The following DOCK5 variants were observed in gnomAD, a reference collection of about 807,000 sequenced individuals.
DOCK5 encodes the protein dedicator of cytokinesis protein 5.
Under a neutral mutation model 251.8 loss-of-function variants are expected in DOCK5, and 142 were observed. The ratio of observed to expected loss-of-function variants is 0.56; its 90% CI spans 0.49 to 0.65. The LOEUF is 0.65. Ranked by LOEUF, DOCK5 falls within the 30% of genes least tolerant of loss-of-function variation. The pLI is 0.00. For synonymous variants in DOCK5, 842 were observed against 835.5 expected, an observed-to-expected ratio of 1.01 and a Z score of -0.13; for missense variants, 2,111 against 2,312.3, an observed-to-expected ratio of 0.91 and a Z score of 1.79.
intron 14 of DOCK5, among the ~76,000 whole-genome samples, chr8:25,319,186 A>G (rs1805353229): frequency 6.6e-6 from 1 of 152,182 alleles, no homozygotes; most frequent in Admixed American, 6.5e-5. Context: ...TGTAGACAGG[A>G]AAAGAGAAAT....
intron 1 of DOCK5, among the ~76,000 whole-genome samples, chr8:25,188,685 G>C (rs756928811): frequency 3.3e-5 from 5 of 152,196 alleles, no homozygotes; most frequent in Non-Finnish European, 7.3e-5. Flanking sequence ...AATGGTTTCT[G>C]TGTGTTATCA....
chr8:25,349,233 G>A (rs939981100), intron 26 of DOCK5, among the ~76,000 whole-genome samples: 3 of 152,124 alleles, frequency 2.0e-5, no homozygotes, highest in Admixed American at 6.5e-5. Flanking sequence ...TGGTGAAAGG[G>A]GAACATTGTT....
At position 25,364,622 on chromosome 8, in the gene DOCK5, G is replaced by T. The variant is rs200562601; in HGVS notation, c.3045-4G>T. 1.2e-5 allele frequency: 19 copies of T among 1,593,452 alleles called. No individual in the cohort carries two copies. Among genetic ancestry groups the T allele is most frequent in the African/African-American group, 9.4e-5 (7 of 74,730 alleles). ...CTTCTTTATCTGGTGTTTTCCTTCCGCAGGGTTTTTCTCCGTGCTATAAAT... is the reference window on the plus strand; with the variant it reads ...CTTCTTTATCTGGTGTTTTCCTTCCTCAGGGTTTTTCTCCGTGCTATAAAT... On this transcript the variant is annotated splice_region_variant and splice_polypyrimidine_tract_variant and intron_variant, in intron 29 of 51. Coordinates refer to ENST00000276440, the MANE Select transcript of DOCK5 (RefSeq NM_024940.8).
rs1411095900 is a variant in DOCK5, at chr8:25,184,835, C to T, written c.-74C>T. ...GAAGCGTCTGGGGCACGCAGGAGCG[C>T]GGGGCGGCGGCGGCCGGAGCCCGAG... On this transcript the variant is annotated 5_prime_UTR_variant, in exon 1 of 52. Transcript: ENST00000276440. 6 of 1,237,362 alleles carry T rather than the reference C, an allele frequency of 4.8e-6. No homozygotes were observed. The highest frequency in any genetic ancestry group is 4.2e-5 in the Admixed American group (1 of 23,542). 76.6% of individuals were successfully genotyped at this position (1,237,362 alleles called of 1,614,324 possible).
intron 18 of DOCK5, among the ~76,000 whole-genome samples, chr8:25,331,269 A>ACACACG (rs1467091276): frequency 6.6e-6 from 1 of 151,008 alleles, no homozygotes; most frequent in African/African-American, 2.4e-5. Context: ...ACACACACAC[A>ACACACG]CATATATGTG....
At chr8:25,335,823 T>G (rs1186143101) in intron 21 of DOCK5, among the ~76,000 whole-genome samples, 1 of 152,196 alleles carries the variant, frequency 6.6e-6, no homozygotes, top group Non-Finnish European at 1.5e-5. Flanking sequence ...TGGATCCCAA[T>G]GGGTTGAGGC....
intron 1 of DOCK5, among the ~76,000 whole-genome samples, chr8:25,233,436 C>T (rs1282127723): frequency 6.6e-6 from 1 of 152,180 alleles, no homozygotes; most frequent in African/African-American, 2.4e-5. Flanking sequence ...CACGTCATCC[C>T]AGAATCAGTT....
chr8:25,298,827 C>A, intron 7 of DOCK5, 117 bp from the exon 8 acceptor site: 1 of 1,129,494 alleles, frequency 8.9e-7, no homozygotes, highest in Non-Finnish European at 1.2e-6. Flanking sequence ...CAGGAATGAG[C>A]CACTGTGCCC....
chr8:25,223,852 A>G (rs989189694), intron 1 of DOCK5, among the ~76,000 whole-genome samples: 3 of 152,192 alleles, frequency 2.0e-5, no homozygotes, highest in Non-Finnish European at 4.4e-5. Context: ...TACTTTATGG[A>G]TGAAGCATTG....
chr8:25,357,544 A>G (rs1293131484), intron 27 of DOCK5, among the ~76,000 whole-genome samples: 4 of 151,576 alleles, frequency 2.6e-5, no homozygotes, highest in Non-Finnish European at 5.9e-5. Context: ...TGCCTGGCTA[A>G]TTTTTGTATT....
intron 5 of DOCK5, among the ~76,000 whole-genome samples, chr8:25,286,561 A>T (rs1417524579): frequency 6.6e-6 from 1 of 152,214 alleles, no homozygotes; most frequent in Non-Finnish European, 1.5e-5. Context: ...ATGGAAGAGG[A>T]AAGGTTGGTG....
intron 28 of DOCK5, among the ~76,000 whole-genome samples, chr8:25,361,962 A>C (rs1289569990): frequency 6.6e-6 from 1 of 152,212 alleles, no homozygotes; most frequent in Non-Finnish European, 1.5e-5. Flanking sequence ...AAAAGGTCTA[A>C]ATTTAGCTAA....
chr8:25,243,195 G>A (rs1261815120), intron 1 of DOCK5, among the ~76,000 whole-genome samples: 1 of 152,180 alleles, frequency 6.6e-6, no homozygotes, highest in Non-Finnish European at 1.5e-5. Context: ...AGTTCGTGAT[G>A]TGTAGCAGGC....
intron 18 of DOCK5, among the ~76,000 whole-genome samples, chr8:25,329,372 C>T (rs146887969): frequency 2.0e-5 from 3 of 152,108 alleles, no homozygotes; most frequent in Admixed American, 6.5e-5. Flanking sequence ...ACTTATTTTT[C>T]GGTGGTGAGA....
chr8:25,410,079 G>A lies in DOCK5; in HGVS notation c.5405-20G>A. On this transcript the variant is annotated intron_variant, in intron 50 of 51. Transcript: ENST00000276440. ...TGCTCAGTGCCTCTCTCTGCCGCCT[G>A]CACTTTCTGTCATTTCTAGGCTCCC... 2 of 1,602,540 alleles carry A rather than the reference G, an allele frequency of 1.2e-6. No individual in the cohort carries two copies. The highest frequency in any genetic ancestry group is 1.7e-6 in the Non-Finnish European group (2 of 1,171,918).
chr8:25,392,045 TG>T, intron 43 of DOCK5, 65 bp downstream of exon 43: 1 of 1,481,692 alleles, frequency 6.7e-7, no homozygotes, highest in Non-Finnish European at 9.3e-7. Flanking sequence ...GGCTCACGCC[TG>T]TAATCCCAGC....
intron 5 of DOCK5, among the ~76,000 whole-genome samples, chr8:25,284,129 A>G (rs1804273449): frequency 6.6e-6 from 1 of 152,234 alleles, no homozygotes; most frequent in African/African-American, 2.4e-5. Flanking sequence ...GAAGGCTACT[A>G]GCTGATCCTG....
At chr8:25,303,054 A>G (rs763641206) in intron 10 of DOCK5, among the ~76,000 whole-genome samples, 70 of 152,188 alleles carry the variant, frequency 4.6e-4, no homozygotes, top group Non-Finnish European at 7.9e-4. Flanking sequence ...AATGGGCAAG[A>G]TGGTACATTT....
rs1347651130 is a variant in DOCK5, at chr8:25,211,482, T to A, written c.43+26531T>A. ...TATGGGCAAGCATTTGACTTGCGTC[T>A]TAAAGAAGGTTTACGATTTCTGAAA... On this transcript the variant is annotated intron_variant, in intron 1 of 51. Transcript: ENST00000276440. Among the ~76,000 whole-genome samples the A allele has an allele frequency of 2.8e-5, 2 of 71,406 alleles. 1 individual carries two copies. Among genetic ancestry groups the A allele is most frequent in the Non-Finnish European group, 9.2e-5 (2 of 21,704 alleles). 46.8% of individuals were successfully genotyped at this position (71,406 alleles called of 152,430 possible).
Sources: gnomAD v4.1 joint callset for allele counts (sites outside exome capture counted in the v4.1 genomes callset) on GRCh38, gnomAD v4.1.1 for gene constraint, MANE v1.5 for transcripts, NCBI Gene and HGNC (gene_info 2026-07-23, HGNC 2026-07-21) for gene names.